TMEM40: variants seen among roughly 807,000 people sequenced by gnomAD.
The protein encoded by TMEM40 is transmembrane protein 40.
A neutral mutation model predicts 40.8 loss-of-function variants in TMEM40; 34 were observed. The observed-to-expected ratio is 0.83, with a 90% CI of 0.63 to 1.11. The LOEUF is 1.11. TMEM40 is among the 50% of genes least tolerant of loss of function. The pLI, the probability that TMEM40 is intolerant of heterozygous loss-of-function variation, is 0.00. For missense variants in TMEM40, 296 were observed against 280.2 expected (o/e 1.06, Z -0.40); for synonymous variants, 106 against 107.0 (o/e 0.99, Z 0.06).
intron 1 of TMEM40, among the ~76,000 whole-genome samples, chr3:12,757,876 AT>A (rs2061540879): frequency 6.6e-6 from 1 of 152,100 alleles, no homozygotes; most frequent in Non-Finnish European, 1.5e-5. Context: ...TAATTTTTGT[AT>A]TTTTAGTAGA....
Position 12,734,555 on chromosome 3 carries a change from C to T in TMEM40, c.*219G>A, listed in dbSNP as rs1442380720. Reference sequence around the variant, plus strand: ...GGCCCCACACCCACCCTCTGCCTTCCATCCTTGCAGCTGGGTTGCACAGCA... The same window carrying T: ...GGCCCCACACCCACCCTCTGCCTTCTATCCTTGCAGCTGGGTTGCACAGCA... On this transcript the variant is annotated 3_prime_UTR_variant, in exon 12 of 12. Coordinates refer to ENST00000314124, the MANE Select transcript of TMEM40 (RefSeq NM_018306.4). 8 of 557,526 alleles carry T rather than the reference C, an allele frequency of 1.4e-5. No individual in the cohort carries two copies. The highest frequency in any genetic ancestry group is 2.3e-5 in the Non-Finnish European group (7 of 311,068). 34.5% of individuals were successfully genotyped at this position (557,526 alleles called of 1,614,324 possible).
exon 1 of TMEM40, chr3:12,769,355 G>T (rs2061612110): frequency 3.8e-6 from 1 of 260,796 alleles, no homozygotes; most frequent in African/African-American, 2.3e-5. Context: ...GCCAGAGTGG[G>T]CGCCGAGGCT....
chr3:12,735,107 T>C (rs530039813), intron 11 of TMEM40, among the ~76,000 whole-genome samples: 27 of 152,318 alleles, frequency 1.8e-4, no homozygotes, highest in Admixed American at 4.6e-4. Context: ...TAAAGCTGTG[T>C]GACTGTGGGC....
intron 4 of TMEM40, 32 bp downstream of exon 4, chr3:12,743,868 G>A: frequency 6.2e-7 from 1 of 1,601,728 alleles, no homozygotes; most frequent in Non-Finnish European, 8.5e-7. Flanking sequence ...GAGCGAGTGG[G>A]CAAAAGAAAA....
intron 1 of TMEM40, among the ~76,000 whole-genome samples, chr3:12,753,033 G>C (rs1447928499): frequency 6.6e-6 from 1 of 152,024 alleles, no homozygotes; most frequent in East Asian, 1.9e-4. Context: ...GGAGCCTTGA[G>C]TAATTGTTCC....
upstream of TMEM40, among the ~76,000 whole-genome samples, chr3:12,761,695 G>T (rs1459870979): frequency 6.6e-6 from 1 of 152,168 alleles, no homozygotes; most frequent in Admixed American, 6.5e-5. Flanking sequence ...CAGCATCTGG[G>T]TGAGCATGAG....
chr3:12,751,350 C>G (rs1244879328), intron 1 of TMEM40, among the ~76,000 whole-genome samples: 1 of 150,828 alleles, frequency 6.6e-6, no homozygotes, highest in Non-Finnish European at 1.5e-5. Context: ...GGCATGATCT[C>G]AGCTCACTGC....
At chr3:12,735,336 A>G (rs1206839535) in intron 11 of TMEM40, among the ~76,000 whole-genome samples, 1 of 152,062 alleles carries the variant, frequency 6.6e-6, no homozygotes, top group African/African-American at 2.4e-5. Flanking sequence ...TTCACAACAC[A>G]CTTGTGCAGC....
Position 12,734,611 on chromosome 3 carries a change from G to T in TMEM40, c.*163C>A. 1 of 790,660 alleles carries T rather than the reference G, an allele frequency of 1.3e-6. No individual in the cohort carries two copies. The highest frequency in any genetic ancestry group is 2.0e-6 in the Non-Finnish European group (1 of 494,244). The allele number at this position is 790,660 out of a possible 1,614,324, so 49.0% of individuals were successfully genotyped here. The stretch of plus-strand genomic sequence containing the variant: ...GCCCAAATGAGATGCCCCTGCCCGG[G>T]CTGGTGCCAACATTCAGACCACATG... On this transcript the variant is annotated 3_prime_UTR_variant, in exon 12 of 12. Coordinates refer to ENST00000314124, the MANE Select transcript of TMEM40 (RefSeq NM_018306.4).
intron 1 of TMEM40, among the ~76,000 whole-genome samples, chr3:12,757,014 C>T (rs1480071327): frequency 1.3e-5 from 2 of 152,114 alleles, no homozygotes; most frequent in Non-Finnish European, 2.9e-5. Flanking sequence ...AGACCTGGAG[C>T]GTGTCACATC....
chr3:12,736,476 G>A (rs935781434), intron 10 of TMEM40, 102 bp downstream of exon 10: 2 of 1,409,836 alleles, frequency 1.4e-6, no homozygotes, highest in African/African-American at 2.9e-5. Context: ...AGTGTAGATT[G>A]TGACTCTCTG....
intron 1 of TMEM40, among the ~76,000 whole-genome samples, chr3:12,755,233 C>CTCTCTTTCTTTCCT (rs1553634013): frequency 1.7e-5 from 1 of 59,886 alleles, no homozygotes; most frequent in Non-Finnish European, 3.3e-5. Context: ...CTCTCTCTCT[C>CTCTCTTTCTTTCCT]TCTTTCTTTC....
At chr3:12,742,849 A>G (rs550243975) in intron 4 of TMEM40, among the ~76,000 whole-genome samples, 80 of 152,326 alleles carry the variant, frequency 5.3e-4, no homozygotes, top group African/African-American at 1.8e-3. Flanking sequence ...CGGATATCCT[A>G]TGAAGAAGGT....
chr3:12,756,982 C>T (rs768737307), intron 1 of TMEM40, among the ~76,000 whole-genome samples: 1 of 152,126 alleles, frequency 6.6e-6, no homozygotes, highest in Non-Finnish European at 1.5e-5. Flanking sequence ...TCAGTTCCCG[C>T]CTCTACCCCT....
chr3:12,759,730 T>G (rs1575747378), upstream of TMEM40, among the ~76,000 whole-genome samples: 1 of 152,162 alleles, frequency 6.6e-6, no homozygotes, highest in Non-Finnish European at 1.5e-5. Context: ...AGACTGGCAG[T>G]GCCCACTCCT....
At chr3:12,745,655 C>T (rs1453912226) in intron 3 of TMEM40, among the ~76,000 whole-genome samples, 1 of 151,948 alleles carries the variant, frequency 6.6e-6, no homozygotes, top group Non-Finnish European at 1.5e-5. Context: ...CCCCATGTTG[C>T]CCACGCTGGT....
At chr3:12,748,977 G>T (rs115777626) in intron 2 of TMEM40, among the ~76,000 whole-genome samples, 185 bp from the exon 3 acceptor site, 4 of 152,152 alleles carry the variant, frequency 2.6e-5, no homozygotes, top group Non-Finnish European at 5.9e-5. Context: ...AGGGGCTCAC[G>T]GAAGGCTCAA....
At chr3:12,758,531 C>A (rs1281345191) in intron 1 of TMEM40, among the ~76,000 whole-genome samples, 1 of 152,194 alleles carries the variant, frequency 6.6e-6, no homozygotes, top group African/African-American at 2.4e-5. Flanking sequence ...AAGCCCCCCT[C>A]CCCTTGGGCC....
At chr3:12,762,923 G>A (rs769159970), upstream of TMEM40, among the ~76,000 whole-genome samples, 2 of 152,098 alleles carry the variant, frequency 1.3e-5, no homozygotes, top group Non-Finnish European at 2.9e-5. Flanking sequence ...CAGCACTTTG[G>A]GAGGCTGAGG....
Sources: gnomAD v4.1 joint callset for allele counts (sites outside exome capture counted in the v4.1 genomes callset) on GRCh38, gnomAD v4.1.1 for gene constraint, MANE v1.5 for transcripts, NCBI Gene and HGNC (gene_info 2026-07-23, HGNC 2026-07-21) for gene names.